CNTLN: variants seen among roughly 807,000 people sequenced by gnomAD.
CNTLN encodes centlein, centrosomal protein.
CNTLN carries 212 observed loss-of-function variants against 180.0 expected under a neutral mutation model. The ratio of observed to expected loss-of-function variants is 1.18; its 90% CI spans 1.05 to 1.32. The LOEUF (loss-of-function observed/expected upper bound fraction) is 1.32. CNTLN is among the 40% of genes most tolerant of loss of function. CNTLN has a pLI of 0.00. For synonymous variants in CNTLN, 722 were observed against 563.1 expected (o/e 1.28, Z -3.99); for missense variants, 2,095 against 1,610.9 (o/e 1.30, Z -5.14).
chr9:17,299,877 T>A, intron 7 of CNTLN: 1 of 785,562 alleles, frequency 1.3e-6, no homozygotes. Flanking sequence ...TCCATTGTAC[T>A]ATAATTGGGT....
At chr9:17,445,782 A>G (rs1830376453) in intron 18 of CNTLN, among the ~76,000 whole-genome samples, 1 of 152,116 alleles carries the variant, frequency 6.6e-6, no homozygotes, top group East Asian at 1.9e-4. Flanking sequence ...ACACCCGTAA[A>G]GGGTCTGTGC....
At chr9:17,292,889 T>G (rs1829507532) in intron 6 of CNTLN, among the ~76,000 whole-genome samples, 3 of 152,200 alleles carry the variant, frequency 2.0e-5, no homozygotes, top group Admixed American at 2.0e-4. Flanking sequence ...TTTGGCTTTT[T>G]GAATTTTCAT....
At chr9:17,295,053 A>T (rs1195860515) in intron 6 of CNTLN, among the ~76,000 whole-genome samples, 3 of 151,838 alleles carry the variant, frequency 2.0e-5, no homozygotes, top group African/African-American at 4.8e-5. Flanking sequence ...GACCTGGTGC[A>T]CTGTCCGCGG....
At chr9:17,283,897 T>A (rs1457560148) in intron 6 of CNTLN, among the ~76,000 whole-genome samples, 4 of 152,194 alleles carry the variant, frequency 2.6e-5, no homozygotes, top group Non-Finnish European at 5.9e-5. Flanking sequence ...TGAATTAGAT[T>A]TATTGATTTG....
At chr9:17,226,429 T>C in intron 3 of CNTLN, 142 bp downstream of exon 3, 2 of 468,602 alleles carry the variant, frequency 4.3e-6, no homozygotes, top group Non-Finnish European at 7.6e-6. Context: ...TTGAAGTCAC[T>C]AGTAAGATTA....
At chr9:17,298,375 A>G (rs762824655) in intron 7 of CNTLN, 23 bp downstream of exon 7, 13 of 1,581,794 alleles carry the variant, frequency 8.2e-6, no homozygotes, top group Non-Finnish European at 1.0e-5. Context: ...TCTGTAATAA[A>G]GATGTAAATG....
chr9:17,266,216 C>T (rs964156306), intron 5 of CNTLN, among the ~76,000 whole-genome samples: 1 of 152,108 alleles, frequency 6.6e-6, no homozygotes, highest in Non-Finnish European at 1.5e-5. Flanking sequence ...TGAATGTGTT[C>T]CAGAGATTCT....
chr9:17,399,083 C>T (rs1826762947), intron 15 of CNTLN, among the ~76,000 whole-genome samples: 1 of 152,178 alleles, frequency 6.6e-6, no homozygotes, highest in Non-Finnish European at 1.5e-5. Flanking sequence ...ATTTGCTGTT[C>T]CTTGGGACGC....
intron 5 of CNTLN, among the ~76,000 whole-genome samples, chr9:17,256,120 A>C (rs1826470877): frequency 6.6e-6 from 1 of 151,896 alleles, no homozygotes; most frequent in Non-Finnish European, 1.5e-5. Flanking sequence ...AGTATTCCAT[A>C]GTGTATATGT....
chr9:17,359,723 T>TACAAAAAACAAAAAAAAAAA lies in CNTLN; in HGVS notation c.1887-6886_1887-6885insCAAAAAAAAAAAACAAAAAA, dbSNP rs1564027182. Among the ~76,000 whole-genome samples the TACAAAAAACAAAAAAAAAAA allele has an allele frequency of 1.4e-3, 25 of 17,654 alleles. 1 individual carries two copies. Among genetic ancestry groups the TACAAAAAACAAAAAAAAAAA allele is most frequent in the Admixed American group, 2.9e-3 (3 of 1,036 alleles). 11.6% of individuals were successfully genotyped at this position (17,654 alleles called of 152,430 possible). A position where few individuals can be genotyped will look rare whatever the true frequency, so the allele number is the denominator to read the frequency against. On this transcript the variant is annotated intron_variant, in intron 12 of 25. Coordinates refer to ENST00000380647, the MANE Select transcript of CNTLN (RefSeq NM_017738.4). Reference sequence around the variant, plus strand: ...GGTGAAACTCCGTCTATACTAAAAATACAAAAAAAAAAAAAAAAAAAAAAA... The same window carrying TACAAAAAACAAAAAAAAAAA: ...GGTGAAACTCCGTCTATACTAAAAATACAAAAAACAAAAAAAAAAAACAAAAAAAAAAAAAAAAAAAAAAA...
intron 8 of CNTLN, among the ~76,000 whole-genome samples, chr9:17,328,206 G>C (rs1820430586): frequency 6.6e-6 from 1 of 152,100 alleles, no homozygotes; most frequent in Admixed American, 6.5e-5. Flanking sequence ...ATAATTAGAA[G>C]TAAATTAAAG....
At chr9:17,238,288 T>A (rs894865306) in intron 5 of CNTLN, among the ~76,000 whole-genome samples, 3 of 152,186 alleles carry the variant, frequency 2.0e-5, no homozygotes, top group Non-Finnish European at 4.4e-5. Context: ...GTTTAAAGGT[T>A]TTATATGACA....
intron 15 of CNTLN, among the ~76,000 whole-genome samples, chr9:17,406,783 T>A (rs78180273): frequency 0.051 from 7,773 of 151,764 alleles, 840 homozygotes; most frequent in African/African-American, 0.18. Context: ...GTTTTTTGAA[T>A]AATGAATGAA....
intron 16 of CNTLN, among the ~76,000 whole-genome samples, chr9:17,414,345 A>C (rs1444873768): frequency 6.6e-6 from 1 of 152,192 alleles, no homozygotes; most frequent in African/African-American, 2.4e-5. Context: ...GTTTGTATTC[A>C]GTAATAGTAC....
intron 18 of CNTLN, among the ~76,000 whole-genome samples, chr9:17,452,862 T>C (rs1830865529): frequency 6.6e-6 from 1 of 152,152 alleles, no homozygotes; most frequent in South Asian, 2.1e-4. Context: ...CATGGGATCC[T>C]ACAGTTGCAG....
chr9:17,521,487 G>C, the CNTLN span, among the ~76,000 whole-genome samples: 1 of 151,954 alleles, frequency 6.6e-6, no homozygotes, highest in Non-Finnish European at 1.5e-5. Context: ...TTTTTCCCCC[G>C]AATTCACTCT....
chr9:17,209,033 G>A (rs1823109471), intron 2 of CNTLN, among the ~76,000 whole-genome samples: 2 of 151,870 alleles, frequency 1.3e-5, no homozygotes, highest in African/African-American at 4.8e-5. Flanking sequence ...TGGTTAGGTT[G>A]TTTATTTGAA....
chr9:17,467,825 C>A (rs1041969913), intron 23 of CNTLN, among the ~76,000 whole-genome samples: 1 of 151,604 alleles, frequency 6.6e-6, no homozygotes, highest in African/African-American at 2.4e-5. Flanking sequence ...CTGTGGAAAG[C>A]AGTTTGGAAA....
At chr9:17,261,966 A>C (rs767483766) in intron 5 of CNTLN, among the ~76,000 whole-genome samples, 10 of 151,632 alleles carry the variant, frequency 6.6e-5, no homozygotes, top group Non-Finnish European at 1.5e-4. Context: ...ATGCCAACAA[A>C]CATAGGAAAA....
Sources: gnomAD v4.1 joint callset for allele counts (sites outside exome capture counted in the v4.1 genomes callset) on GRCh38, gnomAD v4.1.1 for gene constraint, MANE v1.5 for transcripts, NCBI Gene and HGNC (gene_info 2026-07-23, HGNC 2026-07-21) for gene names.